SUFU: variants seen among roughly 807,000 people sequenced by gnomAD.
SUFU encodes suppressor of fused homolog.
Under a neutral mutation model 58.9 loss-of-function variants are expected in SUFU, and 7 were observed. That is an observed-to-expected ratio of 0.12 (90% CI 0.07 to 0.22). The LOEUF is 0.22. Ranked by LOEUF, SUFU falls within the 10% of genes least tolerant of loss-of-function variation. The pLI, the probability that SUFU is intolerant of heterozygous loss-of-function variation, is 1.00. For missense variants in SUFU, 451 were observed against 641.3 expected, an observed-to-expected ratio of 0.70 and a Z score of 3.20; for synonymous variants, 232 against 254.8, an observed-to-expected ratio of 0.91 and a Z score of 0.85.
intron 3 of SUFU, among the ~76,000 whole-genome samples, chr10:102,585,933 G>A (rs2063331470): frequency 6.8e-6 from 1 of 147,810 alleles, no homozygotes; most frequent in Non-Finnish European, 1.5e-5. Flanking sequence ...TGCCCAGGCT[G>A]GAAGGCAATG....
Position 102,617,409 on chromosome 10 carries a change from C to T in SUFU, c.1277C>T (p.Ala426Val), listed in dbSNP as rs772895878. The T allele has an allele frequency of 6.2e-7, 1 of 1,614,246 alleles. No individual in the cohort carries two copies. Reference sequence around the variant, plus strand: ...GCCACTGAGGAGCATCCTTACGCGGCTCATGGACCCTGGTTACAAGTGAGA... The same window carrying T: ...GCCACTGAGGAGCATCCTTACGCGGTTCATGGACCCTGGTTACAAGTGAGA... The part of the protein sequence containing the change: ...AFATEEHPYA[A>V]HGPWLQILLT... Residue 426 changes from alanine to valine, a missense_variant, in exon 10 of 12, where the codon GCT becomes GTT. Ala to Val is a moderately conservative substitution (Grantham distance 64). Coordinates refer to ENST00000369902, the MANE Select transcript of SUFU (RefSeq NM_016169.4). The surrounding 1 kb of genome is among the most constrained non-coding windows in gnomAD (Gnocchi z 4.4).
Position 102,594,022 on chromosome 10 carries a change from T to C in SUFU, c.713T>C (p.Met238Thr), listed in dbSNP as rs2063434396. The C allele has an allele frequency of 6.2e-7, 1 of 1,614,142 alleles. No homozygotes were observed. Among genetic ancestry groups the C allele is most frequent in the Non-Finnish European group, 8.5e-7 (1 of 1,180,008 alleles). ...IAGGPWLITDMRRGETIFEID... is the reference protein window; with the variant it reads ...IAGGPWLITDTRRGETIFEID... ...GGCGGCCCCTGGCTGATAACTGACA[T>C]GCGGAGGGGAGAGACCATATTTGAG... The change falls in exon 6 of 12, where the codon ATG becomes ACG. Residue 238 changes from methionine to threonine, a missense_variant. Met to Thr is a moderately conservative substitution (Grantham distance 81). Transcript: ENST00000369902.
chr10:102,515,608 G>A (rs117050822), intron 2 of SUFU, among the ~76,000 whole-genome samples: 152 of 152,160 alleles, frequency 1.0e-3, no homozygotes, highest in Non-Finnish European at 1.0e-3. Context: ...GAGCCATCCC[G>A]CCTGGCCTGC....
At chr10:102,590,162 T>C (rs1181045943) in intron 3 of SUFU, among the ~76,000 whole-genome samples, 2 of 134,748 alleles carry the variant, frequency 1.5e-5, no homozygotes, top group Admixed American at 7.5e-5. Flanking sequence ...TCTTTTTTCT[T>C]TTTTTTTTTT....
rs2063814415 is a variant in SUFU, at chr10:102,629,104, C to T, written c.1366-962C>T. Reference sequence around the variant, plus strand: ...CCGGGAAGCAAAAGTTGCAGTGAGCCGAGATCGCGCCATTGCACTCCAGCC... The same window carrying T: ...CCGGGAAGCAAAAGTTGCAGTGAGCTGAGATCGCGCCATTGCACTCCAGCC... On this transcript the variant is annotated intron_variant, in intron 11 of 11. Transcript: ENST00000369902. This position sits in a 1 kb window ranked among gnomAD's most constrained non-coding sequence, Gnocchi z 4.7. 6.6e-6 allele frequency among the ~76,000 whole-genome samples: 1 copy of T among 152,002 alleles called. No individual in the cohort carries two copies. The highest frequency in any genetic ancestry group is 2.1e-4 in the South Asian group (1 of 4,812).
Position 102,619,872 on chromosome 10 carries a change from G to C in SUFU, c.1296+2444G>C, listed in dbSNP as rs1435646540. 6.6e-6 allele frequency among the ~76,000 whole-genome samples: 1 copy of C among 152,136 alleles called. No individual in the cohort carries two copies. Among genetic ancestry groups the C allele is most frequent in the East Asian group, 1.9e-4 (1 of 5,192 alleles). On this transcript the variant is annotated intron_variant, in intron 10 of 11. Transcript: ENST00000369902. This position sits in a 1 kb window ranked among gnomAD's most constrained non-coding sequence, Gnocchi z 4.2. Reference sequence around the variant, plus strand: ...GTCTGCAGGACCTCCTAGAGGCCTGGGGTTAGACTTGCAGTCGCCAGTGAG... The same window carrying C: ...GTCTGCAGGACCTCCTAGAGGCCTGCGGTTAGACTTGCAGTCGCCAGTGAG...
In SUFU at chr10:102,632,912, G is replaced by C. The variant is rs758662176; in HGVS notation, c.*2757G>C. On this transcript the variant is annotated 3_prime_UTR_variant, in exon 12 of 12. Coordinates refer to ENST00000369902, the MANE Select transcript of SUFU (RefSeq NM_016169.4). The stretch of plus-strand genomic sequence containing the variant: ...GGGGGGTTTGGGAGGCTTGTGCGAG[G>C]TCTCAGGCCTGTGTGGGGAGCTGGT... The C allele has an allele frequency of 8.6e-6, 2 of 233,468 alleles. No individual in the cohort carries two copies. Among genetic ancestry groups the C allele is most frequent in the Admixed American group, 1.1e-4 (2 of 17,780 alleles). 14.5% of individuals were successfully genotyped at this position (233,468 alleles called of 1,614,324 possible). A position where few individuals can be genotyped will look rare whatever the true frequency, so the allele number is the denominator to read the frequency against.
chr10:102,625,788 A>G lies in SUFU; in HGVS notation c.1297-1387A>G, dbSNP rs1590090908. On this transcript the variant is annotated intron_variant, in intron 10 of 11. Coordinates refer to ENST00000369902, the MANE Select transcript of SUFU (RefSeq NM_016169.4). This position sits in a 1 kb window ranked among gnomAD's most constrained non-coding sequence, Gnocchi z 4.7. ...GTTCTTATTTCTCACTCCCTCCTCC[A>G]CCCCGTCCACTTCTTGCTTTAGAGA... Among the ~76,000 whole-genome samples the G allele has an allele frequency of 6.6e-6, 1 of 151,412 alleles. No homozygotes were observed. The highest frequency in any genetic ancestry group is 1.5e-5 in the Non-Finnish European group (1 of 67,832).
chr10:102,619,393 CG>C lies in SUFU; in HGVS notation c.1296+1969del. 1 of 1,383,658 alleles carries C rather than the reference CG, an allele frequency of 7.2e-7. No homozygotes were observed. 85.7% of individuals were successfully genotyped at this position (1,383,658 alleles called of 1,614,324 possible). A position where few individuals can be genotyped will look rare whatever the true frequency, so the allele number is the denominator to read the frequency against. On this transcript the variant is annotated intron_variant, in intron 10 of 11. Transcript: ENST00000369902. The surrounding 1 kb of genome is among the most constrained non-coding windows in gnomAD (Gnocchi z 4.2). The stretch of plus-strand genomic sequence containing the variant: ...TCCCATGGGCTGTTGCCCAGGGAAC[CG>C]GGGCGCGGTGGGAACGAGCTGCTGG...
chr10:102,509,354 C>T lies in SUFU; in HGVS notation c.317+51C>T. ...TCCAGAGCCTTATTCCTGAGGTCTT[C>T]CTGAGCAGGGGTGACAATGTCATAG... On this transcript the variant is annotated intron_variant, in intron 2 of 11. Transcript: ENST00000369902. 5 of 1,607,798 alleles carry T rather than the reference C, an allele frequency of 3.1e-6. No individual in the cohort carries two copies. The South Asian group carries it at 4.4e-5, about 14-fold the overall frequency.
chr10:102,517,203 G>A (rs1284487668), intron 2 of SUFU, among the ~76,000 whole-genome samples: 7 of 151,956 alleles, frequency 4.6e-5, no homozygotes, highest in Non-Finnish European at 8.8e-5. Context: ...CAGGAGAATC[G>A]CTTGGACTCG....
At chr10:102,602,403 A>G (rs1325914537) in intron 8 of SUFU, among the ~76,000 whole-genome samples, 2 of 152,236 alleles carry the variant, frequency 1.3e-5, no homozygotes, top group East Asian at 3.8e-4. Flanking sequence ...TAGTTGCAGC[A>G]TGAATCAGGA....
intron 2 of SUFU, among the ~76,000 whole-genome samples, chr10:102,534,319 T>A (rs146980382): frequency 9.2e-5 from 14 of 152,078 alleles, no homozygotes; most frequent in Non-Finnish European, 1.9e-4. Flanking sequence ...CCCAGCTACT[T>A]GGGAGGCGGA....
intron 2 of SUFU, among the ~76,000 whole-genome samples, chr10:102,510,014 A>AT (rs976281563): frequency 1.4e-5 from 2 of 143,646 alleles, no homozygotes; most frequent in Non-Finnish European, 3.1e-5. Context: ...AATTTTTGTA[A>AT]TTTTTTTGTA....
At chr10:102,621,238 A>T (rs976880994) in intron 10 of SUFU, among the ~76,000 whole-genome samples, 1 of 152,204 alleles carries the variant, frequency 6.6e-6, no homozygotes, top group Non-Finnish European at 1.5e-5. Context: ...GAACCCAGGC[A>T]TACTTATTCT....
At chr10:102,541,767 G>A (rs533029012) in intron 2 of SUFU, among the ~76,000 whole-genome samples, 5 of 130,492 alleles carry the variant, frequency 3.8e-5, no homozygotes, top group Admixed American at 3.5e-4. Context: ...GGAGTATAAT[G>A]GTGTGATCTC....
intron 3 of SUFU, among the ~76,000 whole-genome samples, chr10:102,577,184 A>G (rs1163483050): frequency 1.3e-5 from 2 of 150,342 alleles, no homozygotes; most frequent in African/African-American, 2.5e-5. Context: ...CCCAGGTTCA[A>G]ACGATTCTCC....
rs551398250 is a variant in SUFU at position 102,581,776 on chromosome 10, C to A, written c.455-10806C>A. ...TTTTGGGAAAGAACTGCTAAGCCCCCCTAGGACCAGCTCCGGGTGTTCACA... is the reference window on the plus strand; with the variant it reads ...TTTTGGGAAAGAACTGCTAAGCCCCACTAGGACCAGCTCCGGGTGTTCACA... On this transcript the variant is annotated intron_variant, in intron 3 of 11. Transcript: ENST00000369902. 1.9e-4 allele frequency among the ~76,000 whole-genome samples: 29 copies of A among 152,280 alleles called. 1 individual carries two copies. Among genetic ancestry groups the A allele is most frequent in the Admixed American group, 1.6e-3 (24 of 15,298 alleles).
In SUFU at chr10:102,544,618, G is replaced by A. The variant is rs372749197; in HGVS notation, c.318-5352G>A. Reference sequence around the variant, plus strand: ...GGAGGCTGAGGCAGGAGAATCGCTTGAACCCAGGAGGCAGAGGTTGCAGTG... The same window carrying A: ...GGAGGCTGAGGCAGGAGAATCGCTTAAACCCAGGAGGCAGAGGTTGCAGTG... On this transcript the variant is annotated intron_variant, in intron 2 of 11. Transcript: ENST00000369902. Among the ~76,000 whole-genome samples the A allele has an allele frequency of 1.2e-4, 19 of 152,264 alleles. No individual in the cohort carries two copies. The East Asian group carries it at 3.5e-3, about 28-fold the overall frequency.
Sources: gnomAD v4.1 joint callset for allele counts (sites outside exome capture counted in the v4.1 genomes callset) on GRCh38, gnomAD v4.1.1 for gene constraint, Gnocchi (gnomAD v3.1) non-coding constraint, MANE v1.5 for transcripts, NCBI Gene and HGNC (gene_info 2026-07-23, HGNC 2026-07-21) for gene names.